The following CHD9 variants were observed in gnomAD, a reference collection of about 807,000 sequenced individuals.
The protein encoded by CHD9 is chromodomain helicase DNA binding protein 9, also known as ATP-dependent chromatin remodeler CHD9.
A neutral mutation model predicts 316.1 loss-of-function variants in CHD9; 77 were observed. The ratio of observed to expected loss-of-function variants is 0.24; its 90% CI spans 0.20 to 0.29. CHD9 has a LOEUF of 0.29. Among genes scored for constraint, CHD9 ranks in the 10% least tolerant of loss-of-function variants. The probability of loss-of-function intolerance (pLI) is 1.00; values close to 1 mark genes in which losing one functional copy is unlikely to be tolerated. For missense variants in CHD9, 2,763 were observed against 3,438.1 expected, an observed-to-expected ratio of 0.80 and a Z score of 4.91; for synonymous variants, 1,129 against 1,158.3, an observed-to-expected ratio of 0.97 and a Z score of 0.51.
intron 2 of CHD9, among the ~76,000 whole-genome samples, chr16:53,173,446 A>G (rs538187870): frequency 1.3e-5 from 2 of 152,176 alleles, no homozygotes; most frequent in South Asian, 4.1e-4. Context: ...TACCAGTTTT[A>G]TGGAATTTCA....
intron 1 of CHD9, among the ~76,000 whole-genome samples, chr16:53,137,648 TTGA>T (rs2152698310): frequency 6.6e-6 from 1 of 152,320 alleles, no homozygotes; most frequent in East Asian, 1.9e-4. Context: ...AGATGAGTAT[TTGA>T]TGATGAATAG....
At chr16:53,148,030 C>A (rs2040774334) in intron 1 of CHD9, among the ~76,000 whole-genome samples, 1 of 151,786 alleles carries the variant, frequency 6.6e-6, no homozygotes. Context: ...ATGGTGAAAC[C>A]CTGTGTCTAC....
chr16:53,192,263 G>A (rs566405029), intron 2 of CHD9, among the ~76,000 whole-genome samples: 11 of 152,242 alleles, frequency 7.2e-5, no homozygotes, highest in Non-Finnish European at 1.2e-4. Flanking sequence ...ATACAACACC[G>A]ACTCCTGAAA....
intron 2 of CHD9, among the ~76,000 whole-genome samples, chr16:53,179,242 C>A (rs1487037487): frequency 6.6e-6 from 1 of 152,128 alleles, no homozygotes; most frequent in East Asian, 1.9e-4. Flanking sequence ...TAGTATCACA[C>A]CTAAGGTAAC....
At chr16:53,069,130 G>A (rs372078249) in intron 1 of CHD9, among the ~76,000 whole-genome samples, 305 of 152,158 alleles carry the variant, frequency 2.0e-3, no homozygotes, top group African/African-American at 6.7e-3. Flanking sequence ...TCAGCCTCCA[G>A]AGTAGCTGGG....
chr16:53,308,602 T>C (rs951487467), intron 33 of CHD9, 84 bp from the exon 34 acceptor site: 250 of 899,900 alleles, frequency 2.8e-4, no homozygotes, highest in Non-Finnish European at 4.1e-4. Context: ...TCATTTTTTT[T>C]CCTCAGTAAA....
chr16:53,178,833 G>T (rs2043273607), intron 2 of CHD9, among the ~76,000 whole-genome samples: 1 of 152,094 alleles, frequency 6.6e-6, no homozygotes, highest in African/African-American at 2.4e-5. Flanking sequence ...AGCTATATAT[G>T]TACTTGGGAT....
chr16:53,063,403 A>ACACACACACAC (rs1567301858), intron 1 of CHD9, among the ~76,000 whole-genome samples: 1 of 121,284 alleles, frequency 8.2e-6, no homozygotes, highest in Non-Finnish European at 1.9e-5. Flanking sequence ...CACACACACA[A>ACACACACACAC]AATGTGAAGG....
chr16:53,242,796 C>A (rs756495339), intron 12 of CHD9, 44 bp from the exon 13 acceptor site: 5 of 1,521,690 alleles, frequency 3.3e-6, no homozygotes, highest in Middle Eastern at 1.7e-4. Flanking sequence ...AAAAAATATG[C>A]AATTAAAATA....
At chr16:53,195,601 G>A (rs1477461232) in intron 2 of CHD9, among the ~76,000 whole-genome samples, 1 of 152,046 alleles carries the variant, frequency 6.6e-6, no homozygotes, top group Non-Finnish European at 1.5e-5. Flanking sequence ...TAGAACTCCA[G>A]CAGCTTGTTT....
At position 53,303,838 on chromosome 16, in the gene CHD9, G is replaced by C. The variant is rs2055675388; in HGVS notation, c.5832G>C (p.Leu1944Phe). The change falls in exon 31 of 39, where the codon TTG becomes TTC. Residue 1944 changes from leucine (L) to phenylalanine (F), a missense_variant. Leu to Phe is a conservative substitution (Grantham distance 22). Transcript: ENST00000447540. The part of the protein sequence containing the change: ...VREQALRHPQ[L>F]FERLKLCHPN... ...AACAGGCCCTTCGACATCCACAGTT[G>C]TTTGAACGCTTGAAGCTTTGCCATC... 2 of 1,613,878 alleles carry C rather than the reference G, an allele frequency of 1.2e-6. No homozygotes were observed. The highest frequency in any genetic ancestry group is 1.7e-6 in the Non-Finnish European group (2 of 1,179,898).
intron 38 of CHD9, among the ~76,000 whole-genome samples, chr16:53,321,991 T>C (rs959874798): frequency 3.5e-5 from 5 of 144,618 alleles, no homozygotes; most frequent in African/African-American, 1.0e-4. Context: ...TTTTTTTCTT[T>C]TTCTTTTTCT....
intron 1 of CHD9, among the ~76,000 whole-genome samples, chr16:53,133,219 C>T (rs1029187203): frequency 6.6e-6 from 1 of 151,966 alleles, no homozygotes; most frequent in East Asian, 1.9e-4. Context: ...ACAGCAACAA[C>T]AAAAAACCCT....
intron 8 of CHD9, 54 bp downstream of exon 8, chr16:53,229,154 A>C: frequency 2.5e-6 from 2 of 815,352 alleles, no homozygotes; most frequent in Admixed American, 5.6e-5. Flanking sequence ...TACATGTAGC[A>C]TTATTTATCA....
rs1288212729 is a variant in CHD9, at chr16:53,263,000, C to T, written c.4223C>T (p.Ala1408Val). Residue 1408 changes from alanine (A) to valine (V), a missense_variant, in exon 20 of 39, where the codon GCA becomes GTA. Physicochemically the swap from Ala to Val is moderately conservative, Grantham distance 64. Transcript: ENST00000447540. ...GSTFAKASFV[A>V]SGNRTDISLD... ...TATATATTTCAGGCGAGTTTTGTGG[C>T]ATCTGGAAACCGGACAGATATTTCT... 1.7e-5 allele frequency: 27 copies of T among 1,611,916 alleles called. No homozygotes were observed. The Admixed American group carries it at 4.2e-4, about 25-fold the overall frequency.
At chr16:53,301,774 T>C (rs951529639) in intron 30 of CHD9, among the ~76,000 whole-genome samples, 6 of 149,960 alleles carry the variant, frequency 4.0e-5, no homozygotes, top group African/African-American at 1.5e-4. Context: ...TTTCTTTTTT[T>C]TTTTTTTTTG....
intron 2 of CHD9, among the ~76,000 whole-genome samples, chr16:53,181,529 A>C (rs1325249303): frequency 1.4e-4 from 22 of 152,172 alleles, no homozygotes; most frequent in Non-Finnish European, 4.4e-5. Flanking sequence ...TATAAATGTC[A>C]GAAAAGGTTA....
chr16:53,226,361 T>A lies in CHD9; in HGVS notation c.1897-5T>A. 1.9e-6 allele frequency: 3 copies of A among 1,539,532 alleles called. No individual in the cohort carries two copies. The highest frequency in any genetic ancestry group is 2.6e-6 in the Non-Finnish European group (3 of 1,144,296). On this transcript the variant is annotated splice_polypyrimidine_tract_variant and splice_region_variant and intron_variant, in intron 4 of 38. Coordinates refer to ENST00000447540, the MANE Select transcript of CHD9 (RefSeq NM_001308319.2). ...TATAAATCTGATTCTTGTGGTTCAT[T>A]ACAGAAAAGAAGATCAAATCGACAA...
intron 1 of CHD9, among the ~76,000 whole-genome samples, chr16:53,091,011 G>A (rs1176346358): frequency 3.7e-5 from 5 of 134,194 alleles, no homozygotes; most frequent in East Asian, 4.2e-4. Flanking sequence ...ACCCCCCCCC[G>A]ACTGACCGCG....
Sources: gnomAD v4.1 joint callset for allele counts (sites outside exome capture counted in the v4.1 genomes callset) on GRCh38, gnomAD v4.1.1 for gene constraint, MANE v1.5 for transcripts, NCBI Gene and HGNC (gene_info 2026-07-23, HGNC 2026-07-21) for gene names.